Variants in MALRD1 observed in about 807,000 individuals in gnomAD.
The protein encoded by MALRD1 is MAM and LDL receptor class A domain containing 1.
Under a neutral mutation model 242.1 loss-of-function variants are expected in MALRD1, and 247 were observed. The observed-to-expected ratio is 1.02, with a 90% CI of 0.92 to 1.13. MALRD1 has a LOEUF of 1.13. Among genes scored for constraint, MALRD1 ranks in the 50% most tolerant of loss-of-function variants. The pLI, the probability that MALRD1 is intolerant of heterozygous loss-of-function variation, is 0.00. For synonymous variants in MALRD1, 995 were observed against 866.6 expected (o/e 1.15, Z -2.60); for missense variants, 2,989 against 2,533.1 (o/e 1.18, Z -3.86).
At chr10:19,356,856 C>T (rs1325717007) in intron 26 of MALRD1, among the ~76,000 whole-genome samples, 1 of 152,064 alleles carries the variant, frequency 6.6e-6, no homozygotes, top group Non-Finnish European at 1.5e-5. Context: ...CACCTGTAAT[C>T]CCAGCACTTT....
intron 10 of MALRD1, among the ~76,000 whole-genome samples, chr10:19,142,332 T>G (rs7901503): frequency 0.35 from 52,623 of 151,876 alleles, 9,544 homozygotes; most frequent in Non-Finnish European, 0.4. Context: ...ATCTAATATA[T>G]TCTCATTAAA....
intron 12 of MALRD1, among the ~76,000 whole-genome samples, chr10:19,158,892 A>C (rs886107273): frequency 1.3e-5 from 2 of 152,232 alleles, no homozygotes; most frequent in African/African-American, 2.4e-5. Context: ...CTGGAGTCAA[A>C]GAACAATTTA....
At chr10:19,122,108 A>G (rs1837086896) in intron 5 of MALRD1, among the ~76,000 whole-genome samples, 1 of 152,188 alleles carries the variant, frequency 6.6e-6, no homozygotes, top group African/African-American at 2.4e-5. Flanking sequence ...GAGAGTATGG[A>G]GAAGTATGAG....
chr10:19,613,859 T>C (rs3904905), intron 35 of MALRD1, among the ~76,000 whole-genome samples: 119,083 of 151,606 alleles, frequency 0.79, 48,813 homozygotes, highest in Non-Finnish European at 0.9. Flanking sequence ...GATCTTTATG[T>C]TCACCTTTAC....
At chr10:19,208,322 T>G (rs1836878077) in intron 17 of MALRD1, among the ~76,000 whole-genome samples, 1 of 151,560 alleles carries the variant, frequency 6.6e-6, no homozygotes. Context: ...TAAACAGAGG[T>G]GGAGGAAGTG....
chr10:19,733,280 CATT>C (rs1165865251), intron 39 of MALRD1, among the ~76,000 whole-genome samples: 2 of 152,168 alleles, frequency 1.3e-5, no homozygotes, highest in East Asian at 1.9e-4. Context: ...AACCCATGGT[CATT>C]GTTGTTTCAC....
intron 29 of MALRD1, among the ~76,000 whole-genome samples, chr10:19,472,797 A>G (rs1164419997): frequency 2.0e-5 from 3 of 151,650 alleles, no homozygotes. Flanking sequence ...AAGTCTAGCT[A>G]AAGGTTTATC....
intron 31 of MALRD1, among the ~76,000 whole-genome samples, chr10:19,506,085 C>T (rs1039593317): frequency 9.2e-5 from 14 of 152,268 alleles, no homozygotes; most frequent in Middle Eastern, 3.4e-3. Flanking sequence ...AATGCCTGCC[C>T]TATGGGGAAG....
At chr10:19,677,111 T>C (rs1842169790) in intron 36 of MALRD1, among the ~76,000 whole-genome samples, 1 of 152,224 alleles carries the variant, frequency 6.6e-6, no homozygotes, top group African/African-American at 2.4e-5. Context: ...TTGTGAATAG[T>C]GCTGCAATGA....
At chr10:19,061,144 A>G (rs1173862195) in intron 1 of MALRD1, among the ~76,000 whole-genome samples, 1 of 152,138 alleles carries the variant, frequency 6.6e-6, no homozygotes, top group African/African-American at 2.4e-5. Flanking sequence ...CAGGAGGGAG[A>G]GCATCAGGAA....
chr10:19,251,990 G>T (rs940570258), intron 18 of MALRD1, among the ~76,000 whole-genome samples: 1 of 151,946 alleles, frequency 6.6e-6, no homozygotes, highest in Admixed American at 6.6e-5. Flanking sequence ...ATGATTGTAA[G>T]TTTCCTGAGG....
intron 14 of MALRD1, among the ~76,000 whole-genome samples, chr10:19,187,226 G>A (rs1001493154): frequency 9.2e-5 from 14 of 152,090 alleles, no homozygotes; most frequent in African/African-American, 3.4e-4. Flanking sequence ...CTGCTTCCTA[G>A]CTGGGGACAG....
Position 19,427,732 on chromosome 10 carries a change from G to A in MALRD1, c.4846-22575G>A, listed in dbSNP as rs185033711. ...TATATAGACTGTGTGTAAGATCCTAGTATAGTTACATCTATTTTGGGGTTA... is the reference window on the plus strand; with the variant it reads ...TATATAGACTGTGTGTAAGATCCTAATATAGTTACATCTATTTTGGGGTTA... On this transcript the variant is annotated intron_variant, in intron 28 of 39. Transcript: ENST00000454679. Among the ~76,000 whole-genome samples, 72 of 152,178 alleles carry A rather than the reference G, an allele frequency of 4.7e-4. 1 individual carries two copies. In the East Asian group the frequency reaches 0.013, roughly 27 times the overall value.
chr10:19,564,626 C>T (rs1281878549), intron 32 of MALRD1, among the ~76,000 whole-genome samples: 1 of 152,038 alleles, frequency 6.6e-6, no homozygotes, highest in Admixed American at 6.6e-5. Flanking sequence ...ATTCATCCAG[C>T]AGTTAATTTT....
At chr10:19,079,441 G>C (rs1352179509) in intron 2 of MALRD1, among the ~76,000 whole-genome samples, 1 of 151,826 alleles carries the variant, frequency 6.6e-6, no homozygotes, top group East Asian at 1.9e-4. Flanking sequence ...TTAGAAGCAT[G>C]TGCATTCTTT....
At chr10:19,506,207 T>A (rs1208199125) in intron 31 of MALRD1, among the ~76,000 whole-genome samples, 1 of 152,216 alleles carries the variant, frequency 6.6e-6, no homozygotes, top group African/African-American at 2.4e-5. Flanking sequence ...AATTCTTTAT[T>A]GTGTGCTAAG....
intron 36 of MALRD1, among the ~76,000 whole-genome samples, chr10:19,689,852 T>C (rs543169093): frequency 6.6e-6 from 1 of 152,248 alleles, no homozygotes; most frequent in East Asian, 1.9e-4. Flanking sequence ...CAGTTTTTTC[T>C]TCAAGCAGCA....
chr10:19,347,850 C>CCTG lies in MALRD1; in HGVS notation c.3982_3984dup (p.Leu1328dup). The CCTG allele has an allele frequency of 1.3e-6, 2 of 1,550,334 alleles. No individual in the cohort carries two copies. The highest frequency in any genetic ancestry group is 1.7e-6 in the Non-Finnish European group (2 of 1,146,814). On this transcript the variant is annotated inframe_insertion, in exon 25 of 40. Coordinates refer to ENST00000454679, the MANE Select transcript of MALRD1 (RefSeq NM_001142308.3). The stretch of plus-strand genomic sequence containing the variant: ...AGAAAGATGAGGACTTTGACTGGAA[C>CCTG]CTGAAAGCTAGCAGCATCCCTGCAG...
chr10:19,503,909 A>T (rs944291262), intron 31 of MALRD1, among the ~76,000 whole-genome samples: 2 of 152,182 alleles, frequency 1.3e-5, no homozygotes, highest in Non-Finnish European at 2.9e-5. Flanking sequence ...CAGAATATGA[A>T]TTAACTAAAT....
Sources: allele counts gnomAD v4.1 joint callset (sites outside exome capture counted in the v4.1 genomes callset), GRCh38; gene constraint gnomAD v4.1.1; transcripts MANE v1.5; gene names NCBI Gene and HGNC (gene_info 2026-07-23, HGNC 2026-07-21).